The following NRXN3 variants were observed in gnomAD, a reference collection of about 807,000 sequenced individuals.
NRXN3 encodes neurexin III.
In NRXN3, 32 loss-of-function variants were observed where a neutral mutation model predicts 137.6. The observed-to-expected ratio is 0.23, with a 90% CI of 0.18 to 0.31. NRXN3 has a LOEUF of 0.31. Ranked by LOEUF, NRXN3 falls within the 10% of genes least tolerant of loss-of-function variation. NRXN3 has a pLI of 1.00. For missense variants in NRXN3, 1,574 were observed against 2,062.5 expected (o/e 0.76, Z 4.59); for synonymous variants, 798 against 784.5 (o/e 1.02, Z -0.29).
At chr14:79,836,785 G>T (rs1328055167) in intron 20 of NRXN3, among the ~76,000 whole-genome samples, 1 of 152,104 alleles carries the variant, frequency 6.6e-6, no homozygotes, top group East Asian at 1.9e-4. Context: ...TGGAAAATTT[G>T]TCATTGTTTA....
At chr14:78,458,896 G>T (rs1293872627) in intron 4 of NRXN3, among the ~76,000 whole-genome samples, 1 of 152,182 alleles carries the variant, frequency 6.6e-6, no homozygotes, top group African/African-American at 2.4e-5. Context: ...GTGAACATTT[G>T]CTTGGAGAGG....
chr14:79,137,009 C>T (rs1218489568), intron 15 of NRXN3, among the ~76,000 whole-genome samples: 1 of 152,160 alleles, frequency 6.6e-6, no homozygotes, highest in Non-Finnish European at 1.5e-5. Context: ...ACTTTAATCA[C>T]CTTTTACCCC....
intron 15 of NRXN3, among the ~76,000 whole-genome samples, chr14:79,289,754 G>A (rs1598348166): frequency 6.6e-6 from 1 of 152,206 alleles, no homozygotes; most frequent in Non-Finnish European, 1.5e-5. Flanking sequence ...CAGATTCGGG[G>A]TTCTGTGAAA....
intron 19 of NRXN3, among the ~76,000 whole-genome samples, chr14:79,739,583 G>T (rs1386296117): frequency 7.1e-6 from 1 of 140,930 alleles, no homozygotes; most frequent in Non-Finnish European, 1.5e-5. Flanking sequence ...GGCGGAGGTT[G>T]CAGTGAGCTG....
intron 10 of NRXN3, among the ~76,000 whole-genome samples, chr14:78,853,670 C>A (rs2099049137): frequency 6.6e-6 from 1 of 152,120 alleles, no homozygotes. Flanking sequence ...GACTCACTTT[C>A]TAGAATTTGG....
At position 79,214,535 on chromosome 14, in the gene NRXN3, C is replaced by T. The variant is rs573869366; in HGVS notation, c.3262+226394C>T. 2.6e-5 allele frequency among the ~76,000 whole-genome samples: 4 copies of T among 152,278 alleles called. No homozygotes were observed. The East Asian group carries it at 7.7e-4, about 29-fold the overall frequency. On this transcript the variant is annotated intron_variant, in intron 15 of 20. Coordinates refer to ENST00000335750, the MANE Select transcript of NRXN3 (RefSeq NM_001330195.2). ...TGATAGATAGGCCAATTACTCTGAT[C>T]TGGTCACTCTATATTATATGTATCA... is the stretch of plus-strand genomic sequence containing the variant.
chr14:78,401,190 C>T lies in NRXN3; in HGVS notation c.757+103330C>T, dbSNP rs574201421. On this transcript the variant is annotated intron_variant, in intron 4 of 20. Coordinates refer to ENST00000335750, the MANE Select transcript of NRXN3 (RefSeq NM_001330195.2). Reference sequence around the variant, plus strand: ...CCACTTTTTATTTTTTTTGGGATGGCGTCTTTCTCTGTTGCCCAGGCTGGA... The same window carrying T: ...CCACTTTTTATTTTTTTTGGGATGGTGTCTTTCTCTGTTGCCCAGGCTGGA... Among the ~76,000 whole-genome samples, 6 of 151,822 alleles carry T rather than the reference C, an allele frequency of 4.0e-5. No individual in the cohort carries two copies. The East Asian group carries it at 1.2e-3, about 30-fold the overall frequency.
intron 19 of NRXN3, among the ~76,000 whole-genome samples, chr14:79,708,660 A>ATGTT (rs1368025901): frequency 1.3e-5 from 2 of 152,134 alleles, no homozygotes; most frequent in Non-Finnish European, 2.9e-5. Flanking sequence ...TTTCTGGTGC[A>ATGTT]TGTTTGAATG....
intron 10 of NRXN3, among the ~76,000 whole-genome samples, chr14:78,938,848 C>CTTTTTTTTTTTTTTTCTTTTTTCTT (rs2099347161): frequency 2.3e-5 from 3 of 132,024 alleles, no homozygotes; most frequent in African/African-American, 8.4e-5. Context: ...AGTGATTTTT[C>CTTTTTTTTTTTTTTTCTTTTTTCTT]TTTTTTTTTT....
At chr14:79,092,533 T>C (rs772879487) in intron 15 of NRXN3, among the ~76,000 whole-genome samples, 1 of 152,128 alleles carries the variant, frequency 6.6e-6, no homozygotes, top group Non-Finnish European at 1.5e-5. Context: ...TTTTAATAAA[T>C]GGTGTATACA....
chr14:78,853,859 G>A (rs572207272), intron 10 of NRXN3, among the ~76,000 whole-genome samples: 1 of 152,190 alleles, frequency 6.6e-6, no homozygotes, highest in South Asian at 2.1e-4. Context: ...TCTTCTCCAG[G>A]TGAAAGTCTG....
At chr14:79,322,368 C>T (rs1034977303) in intron 15 of NRXN3, among the ~76,000 whole-genome samples, 4 of 152,086 alleles carry the variant, frequency 2.6e-5, no homozygotes, top group African/African-American at 9.7e-5. Context: ...GGCTTGACCG[C>T]ATTTACGGAT....
intron 15 of NRXN3, among the ~76,000 whole-genome samples, chr14:79,220,400 C>T (rs909140282): frequency 1.3e-5 from 2 of 152,178 alleles, no homozygotes; most frequent in Admixed American, 1.3e-4. Flanking sequence ...CTTCCCCCAT[C>T]AGGAGCATTC....
At chr14:78,444,071 T>C (rs1322729302) in intron 4 of NRXN3, among the ~76,000 whole-genome samples, 1 of 152,182 alleles carries the variant, frequency 6.6e-6, no homozygotes, top group Non-Finnish European at 1.5e-5. Context: ...AATATTAAGA[T>C]TTCACATCAA....
chr14:79,280,516 T>A, intron 15 of NRXN3: 1 of 1,612,866 alleles, frequency 6.2e-7, no homozygotes, highest in Non-Finnish European at 8.5e-7. Context: ...ATCGTTCCCC[T>A]GTTTCCCTTC....
chr14:78,532,632 A>G (rs982033477), intron 4 of NRXN3, among the ~76,000 whole-genome samples: 1 of 151,808 alleles, frequency 6.6e-6, no homozygotes, highest in Non-Finnish European at 1.5e-5. Flanking sequence ...ACTTGTCTTC[A>G]TTCTGTCAGC....
chr14:78,711,292 T>A (rs1432074593), intron 7 of NRXN3, among the ~76,000 whole-genome samples: 1 of 151,964 alleles, frequency 6.6e-6, no homozygotes. Context: ...TAATACAAAT[T>A]TTTCTTTCAA....
At chr14:78,660,785 T>C (rs1284600394) in intron 6 of NRXN3, among the ~76,000 whole-genome samples, 2 of 152,206 alleles carry the variant, frequency 1.3e-5, no homozygotes, top group African/African-American at 4.8e-5. Flanking sequence ...CTGTTGTGGC[T>C]CTATTTTCTA....
chr14:79,234,320 ATATATATATATATATATAT>A (rs2072917707), intron 15 of NRXN3, among the ~76,000 whole-genome samples: 2 of 113,628 alleles, frequency 1.8e-5, no homozygotes, highest in African/African-American at 7.4e-5. Flanking sequence ...ATATATATAT[ATATATATATATATATATAT>A]AATATTTATA....
Sources: allele counts gnomAD v4.1 joint callset (sites outside exome capture counted in the v4.1 genomes callset), GRCh38; gene constraint gnomAD v4.1.1; transcripts MANE v1.5; gene names NCBI Gene and HGNC (gene_info 2026-07-23, HGNC 2026-07-21).